The following KCNIP4 variants were observed in gnomAD, a reference collection of about 807,000 sequenced individuals.
KCNIP4 encodes the protein Kv channel-interacting protein 4.
In KCNIP4, 12 loss-of-function variants were observed where a neutral mutation model predicts 34.0. The ratio of observed to expected loss-of-function variants is 0.35; its 90% CI spans 0.23 to 0.57. KCNIP4 has a LOEUF of 0.57. Ranked by LOEUF, KCNIP4 falls within the 20% of genes least tolerant of loss-of-function variation. The pLI, the probability that KCNIP4 is intolerant of heterozygous loss-of-function variation, is 0.83. For missense variants in KCNIP4, 238 were observed against 311.7 expected (o/e 0.76, Z 1.78); for synonymous variants, 124 against 102.2 (o/e 1.21, Z -1.29).
At chr4:21,289,957 A>C (rs990538034) in intron 1 of KCNIP4, among the ~76,000 whole-genome samples, 8 of 152,124 alleles carry the variant, frequency 5.3e-5, no homozygotes, top group African/African-American at 1.4e-4. Flanking sequence ...ACATCAATGG[A>C]GTGAAATGGT....
intron 1 of KCNIP4, among the ~76,000 whole-genome samples, chr4:21,177,877 T>TATATATATATATATATATATATATA (rs1338439962): frequency 2.0e-5 from 3 of 146,342 alleles, no homozygotes; most frequent in African/African-American, 7.7e-5. Flanking sequence ...TATATATATA[T>TATATATATATATATATATATATATA]AAAATATAAC....
intron 1 of KCNIP4, among the ~76,000 whole-genome samples, chr4:21,474,917 C>T (rs543643297): frequency 6.7e-6 from 1 of 149,120 alleles, no homozygotes; most frequent in Non-Finnish European, 1.5e-5. Context: ...AGGACAATCG[C>T]TTGAACCTGG....
chr4:21,262,281 C>T (rs1037018861), intron 1 of KCNIP4, among the ~76,000 whole-genome samples: 8 of 152,188 alleles, frequency 5.3e-5, no homozygotes, highest in African/African-American at 1.9e-4. Context: ...CAATACTCTG[C>T]TCATATCACC....
chr4:21,158,799 A>G (rs1430232298), intron 1 of KCNIP4, among the ~76,000 whole-genome samples: 1 of 152,158 alleles, frequency 6.6e-6, no homozygotes, highest in East Asian at 1.9e-4. Context: ...AACAACAAAA[A>G]AAAGAAATAC....
At chr4:21,916,276 T>A (rs948588551) in intron 1 of KCNIP4, among the ~76,000 whole-genome samples, 8 of 152,212 alleles carry the variant, frequency 5.3e-5, no homozygotes, top group Admixed American at 1.3e-4. Flanking sequence ...CTCCTATATT[T>A]CTTATCTAGT....
intron 5 of KCNIP4, among the ~76,000 whole-genome samples, chr4:20,742,771 A>G (rs976222210): frequency 6.6e-6 from 1 of 152,160 alleles, no homozygotes; most frequent in Admixed American, 6.5e-5. Flanking sequence ...GAAGAAGTCA[A>G]ATTTTCCCTG....
chr4:21,151,767 G>A (rs1265775225), intron 1 of KCNIP4, among the ~76,000 whole-genome samples: 1 of 152,066 alleles, frequency 6.6e-6, no homozygotes, highest in African/African-American at 2.4e-5. Context: ...TGAATGAACT[G>A]AATGGTATGG....
intron 1 of KCNIP4, among the ~76,000 whole-genome samples, chr4:21,292,114 T>G (rs1441920480): frequency 6.6e-6 from 1 of 152,162 alleles, no homozygotes; most frequent in Non-Finnish European, 1.5e-5. Context: ...TTAAGCATTT[T>G]CAACATAATA....
intron 5 of KCNIP4, among the ~76,000 whole-genome samples, chr4:20,736,658 T>G (rs1406871974): frequency 1.3e-5 from 2 of 152,242 alleles, no homozygotes; most frequent in Non-Finnish European, 2.9e-5. Context: ...CTTAGTTTTT[T>G]CTTGAACTTG....
intron 1 of KCNIP4, among the ~76,000 whole-genome samples, chr4:21,200,634 G>T (rs529550019): frequency 4.1e-4 from 62 of 151,856 alleles, no homozygotes; most frequent in African/African-American, 1.4e-3. Flanking sequence ...GAGACTCAAA[G>T]AAGAGAGGGA....
intron 1 of KCNIP4, among the ~76,000 whole-genome samples, chr4:21,655,571 C>T (rs941664607): frequency 1.3e-5 from 2 of 152,116 alleles, no homozygotes; most frequent in African/African-American, 4.8e-5. Context: ...CTTATTTAAT[C>T]TCCTTTCATT....
chr4:20,749,322 T>C (rs1381240285), intron 5 of KCNIP4, among the ~76,000 whole-genome samples: 1 of 152,132 alleles, frequency 6.6e-6, no homozygotes, highest in Non-Finnish European at 1.5e-5. Flanking sequence ...CTTTTGACTT[T>C]ATCATCTTTG....
chr4:21,144,797 C>T (rs1466563837), intron 1 of KCNIP4, among the ~76,000 whole-genome samples: 1 of 152,010 alleles, frequency 6.6e-6, no homozygotes, highest in Non-Finnish European at 1.5e-5. Flanking sequence ...TTTCTATATC[C>T]ATTGGTTATC....
chr4:21,024,922 T>C (rs1740391029), intron 1 of KCNIP4, among the ~76,000 whole-genome samples: 1 of 152,228 alleles, frequency 6.6e-6, no homozygotes, highest in Non-Finnish European at 1.5e-5. Flanking sequence ...TGATTAATTT[T>C]ACAAATTTTA....
chr4:20,799,447 C>T (rs73802338), intron 3 of KCNIP4, among the ~76,000 whole-genome samples: 1 of 152,158 alleles, frequency 6.6e-6, no homozygotes, highest in Non-Finnish European at 1.5e-5. Flanking sequence ...AGACATAGTA[C>T]CTGAAGTCCC....
chr4:21,772,510 T>C (rs557769496), intron 1 of KCNIP4, among the ~76,000 whole-genome samples: 3 of 152,176 alleles, frequency 2.0e-5, no homozygotes, highest in Non-Finnish European at 4.4e-5. Context: ...TACTAGCTCC[T>C]CTTTGTGTTT....
chr4:21,530,575 C>A (rs1289735666), intron 1 of KCNIP4, among the ~76,000 whole-genome samples: 1 of 152,076 alleles, frequency 6.6e-6, no homozygotes, highest in Non-Finnish European at 1.5e-5. Context: ...TATATTAATG[C>A]ACAAGGAAGG....
chr4:21,443,014 T>A (rs1727622909), intron 1 of KCNIP4, among the ~76,000 whole-genome samples: 1 of 152,192 alleles, frequency 6.6e-6, no homozygotes, highest in Admixed American at 6.5e-5. Context: ...TTAGGCCACA[T>A]TTTCTTCTTT....
intron 3 of KCNIP4, among the ~76,000 whole-genome samples, chr4:20,771,012 T>G (rs559221810): frequency 6.6e-6 from 1 of 152,202 alleles, no homozygotes; most frequent in African/African-American, 2.4e-5. Context: ...CATGTATTAG[T>G]TATTATAAGT....
Sources: allele counts gnomAD v4.1 joint callset (sites outside exome capture counted in the v4.1 genomes callset), GRCh38; gene constraint gnomAD v4.1.1; transcripts MANE v1.5; gene names NCBI Gene and HGNC (gene_info 2026-07-23, HGNC 2026-07-21).